PLCB1: variants seen among roughly 807,000 people sequenced by gnomAD.
The protein encoded by PLCB1 is phospholipase C beta 1.
A neutral mutation model predicts 161.8 loss-of-function variants in PLCB1; 46 were observed. The observed-to-expected ratio is 0.28, with a 90% CI of 0.22 to 0.36. The LOEUF is 0.36. Ranked by LOEUF, PLCB1 falls within the 10% of genes least tolerant of loss-of-function variation. PLCB1 has a pLI of 1.00. For synonymous variants in PLCB1, 517 were observed against 503.7 expected (o/e 1.03, Z -0.35); for missense variants, 1,016 against 1,472.5 (o/e 0.69, Z 5.07).
chr20:8,335,087 G>A (rs1298743540), intron 2 of PLCB1, among the ~76,000 whole-genome samples: 1 of 152,218 alleles, frequency 6.6e-6, no homozygotes, highest in Admixed American at 6.5e-5. Flanking sequence ...ATTGCCTGGG[G>A]AGTGTTTGCT....
chr20:8,684,969 T>G lies in PLCB1; in HGVS notation c.900T>G (p.Ser300Arg). Residue 300 changes from serine (S) to arginine (R), a missense_variant, in exon 10 of 32, where the codon AGT (serine) becomes AGG (arginine). This residue lies in a region of PLCB1 where 117 missense variants were observed against 142.2 expected (regional missense o/e 0.82). Transcript: ENST00000338037. Reference sequence around the variant, plus strand: ...TGGATGGGTTCATGCGCTATCTGAGTGGAGAAGAAAACGGAGTCGTTTCAC... The same window carrying G: ...TGGATGGGTTCATGCGCTATCTGAGGGGAGAAGAAAACGGAGTCGTTTCAC... ...ISVDGFMRYLSGEENGVVSPE... is the reference protein window; with the variant it reads ...ISVDGFMRYLRGEENGVVSPE... 1 of 1,613,900 alleles carries G rather than the reference T, an allele frequency of 6.2e-7. No individual in the cohort carries two copies. The highest frequency in any genetic ancestry group is 2.2e-5 in the East Asian group (1 of 44,868).
intron 3 of PLCB1, among the ~76,000 whole-genome samples, chr20:8,558,315 TAAAG>T (rs1206282641): frequency 2.0e-5 from 3 of 151,198 alleles, no homozygotes; most frequent in Non-Finnish European, 3.0e-5. Flanking sequence ...ATCCACAAAA[TAAAG>T]AATTAAATAA....
At position 8,371,465 on chromosome 20, in the gene PLCB1, G is replaced by A. The variant is rs753638177; in HGVS notation, c.246+15G>A. On this transcript the variant is annotated intron_variant, in intron 3 of 31. Transcript: ENST00000338037. ...AAGCTCCCAAGGTAGGAGGTTGAGT[G>A]TTGTGCATGCACCAGATGCTGCCTT... 6.3e-7 allele frequency: 1 copy of A among 1,579,488 alleles called. No individual in the cohort carries two copies. The highest frequency in any genetic ancestry group is 8.7e-7 in the Non-Finnish European group (1 of 1,151,524).
intron 2 of PLCB1, among the ~76,000 whole-genome samples, chr20:8,365,034 C>A (rs940910586): frequency 2.0e-5 from 3 of 152,132 alleles, no homozygotes; most frequent in African/African-American, 7.2e-5. Flanking sequence ...TCCCCTTTCA[C>A]TTAGAATGGG....
At chr20:8,396,575 A>G (rs2122453860) in intron 3 of PLCB1, among the ~76,000 whole-genome samples, 1 of 152,226 alleles carries the variant, frequency 6.6e-6, no homozygotes, top group East Asian at 1.9e-4. Flanking sequence ...TGCTCAGTCC[A>G]GTTGAAAAAC....
intron 31 of PLCB1, among the ~76,000 whole-genome samples, chr20:8,865,300 C>G (rs4813877): frequency 0.13 from 20,231 of 152,184 alleles, 1,584 homozygotes; most frequent in South Asian, 0.22. Flanking sequence ...GGATTATTCT[C>G]TAATTCTACT....
intron 3 of PLCB1, among the ~76,000 whole-genome samples, chr20:8,416,219 T>C (rs887402467): frequency 3.3e-5 from 5 of 152,302 alleles, no homozygotes; most frequent in South Asian, 2.1e-4. Flanking sequence ...ATGAGAAAAC[T>C]TGGTCTGACA....
intron 2 of PLCB1, among the ~76,000 whole-genome samples, chr20:8,233,691 C>T (rs772050535): frequency 2.6e-5 from 4 of 152,090 alleles, no homozygotes; most frequent in Non-Finnish European, 4.4e-5. Context: ...TCCCAGAGGT[C>T]CTCACATCCC....
chr20:8,618,071 A>G (rs1988081627), intron 3 of PLCB1, among the ~76,000 whole-genome samples: 1 of 152,214 alleles, frequency 6.6e-6, no homozygotes, highest in African/African-American at 2.4e-5. Context: ...ATATCTTCTT[A>G]GGAAGATGCA....
intron 2 of PLCB1, among the ~76,000 whole-genome samples, chr20:8,229,859 A>AAAATAAAATAAAATAAAAT (rs1555791653): frequency 1.1e-4 from 8 of 76,018 alleles, no homozygotes; most frequent in African/African-American, 2.1e-4. Context: ...CCCATCTCAT[A>AAAATAAAATAAAATAAAAT]AAATAAAATA....
chr20:8,736,936 G>C, intron 19 of PLCB1, 92 bp from the exon 20 acceptor site: 1 of 911,908 alleles, frequency 1.1e-6, no homozygotes, highest in Non-Finnish European at 1.7e-6. Context: ...ATTTGCTGAA[G>C]AGCATTTGTG....
intron 2 of PLCB1, among the ~76,000 whole-genome samples, chr20:8,192,951 G>A (rs535386042): frequency 6.6e-6 from 1 of 151,910 alleles, no homozygotes; most frequent in East Asian, 1.9e-4. Context: ...CATAATGAGT[G>A]GATACCTTTC....
chr20:8,789,330 G>T (rs944179216), intron 29 of PLCB1, among the ~76,000 whole-genome samples, 188 bp from the exon 30 acceptor site: 1 of 152,184 alleles, frequency 6.6e-6, no homozygotes, highest in Non-Finnish European at 1.5e-5. Context: ...AGTGAGCCAT[G>T]ATGGTGCCAC....
chr20:8,550,760 C>T (rs1985747699), intron 3 of PLCB1, among the ~76,000 whole-genome samples: 1 of 152,122 alleles, frequency 6.6e-6, no homozygotes, highest in Admixed American at 6.5e-5. Context: ...CACCTTACAT[C>T]AAATTCACCA....
At chr20:8,629,877 C>CTG (rs1159340046) in intron 4 of PLCB1, among the ~76,000 whole-genome samples, 1 of 64,374 alleles carries the variant, frequency 1.6e-5, no homozygotes, top group African/African-American at 5.9e-5. Context: ...TTCTTTCTTT[C>CTG]TCTCTCTCTT....
chr20:8,321,658 C>A (rs1475484584), intron 2 of PLCB1, among the ~76,000 whole-genome samples: 5 of 152,128 alleles, frequency 3.3e-5, no homozygotes, highest in African/African-American at 1.2e-4. Context: ...TACAGATCAA[C>A]AACAAACTTA....
chr20:8,685,594 A>G (rs1374721081), intron 10 of PLCB1, among the ~76,000 whole-genome samples: 1 of 142,890 alleles, frequency 7.0e-6, no homozygotes, highest in Non-Finnish European at 1.5e-5. Flanking sequence ...AAAATCAGCC[A>G]GGCGTGGTGG....
At chr20:8,583,090 G>A (rs568335231) in intron 3 of PLCB1, among the ~76,000 whole-genome samples, 1 of 151,818 alleles carries the variant, frequency 6.6e-6, no homozygotes, top group East Asian at 1.9e-4. Context: ...AGTAAAGAAA[G>A]CCTGTCATAA....
rs1318678838 is a variant in PLCB1, at chr20:8,568,858, G to A, written c.247-59436G>A. Among the ~76,000 whole-genome samples, 10 of 152,242 alleles carry A rather than the reference G, an allele frequency of 6.6e-5. No individual in the cohort carries two copies. In the South Asian group the frequency reaches 1.0e-3, roughly 16 times the overall value. On this transcript the variant is annotated intron_variant, in intron 3 of 31. Coordinates refer to ENST00000338037, the MANE Select transcript of PLCB1 (RefSeq NM_015192.4). ...TGATGTCAACAAGCACCAGTACAGCGGGGAGAAATAGAGAGAAGGAAAGGC... is the reference window on the plus strand; with the variant it reads ...TGATGTCAACAAGCACCAGTACAGCAGGGAGAAATAGAGAGAAGGAAAGGC...
Sources: gnomAD v4.1 joint callset for allele counts (sites outside exome capture counted in the v4.1 genomes callset) on GRCh38, gnomAD v4.1.1 for gene constraint, gnomAD v4.1.1 regional missense constraint, MANE v1.5 for transcripts, NCBI Gene and HGNC (gene_info 2026-07-23, HGNC 2026-07-21) for gene names.